The following PYGO1 variants were observed in gnomAD, a reference collection of about 807,000 sequenced individuals.
The protein encoded by PYGO1 is pygopus homolog 1.
A neutral mutation model predicts 29.5 loss-of-function variants in PYGO1; 6 were observed. The ratio of observed to expected loss-of-function variants is 0.20; its 90% CI spans 0.11 to 0.40. The LOEUF (loss-of-function observed/expected upper bound fraction) is 0.40. Ranked by LOEUF, PYGO1 falls within the 10% of genes least tolerant of loss-of-function variation. The probability of loss-of-function intolerance (pLI) is 1.00; values close to 1 mark genes in which losing one functional copy is unlikely to be tolerated. For missense variants in PYGO1, 515 were observed against 514.9 expected (o/e 1.00, Z 0.00); for synonymous variants, 186 against 180.5 (o/e 1.03, Z -0.24).
chr15:55,588,250 G>A lies in PYGO1; in HGVS notation c.-367C>T, dbSNP rs916520785. ...CCGCCGCCTCAGGAGCCGCTGACAGGGGAAGCAGGAGGCTCGCGGCCCGGC... is the reference window on the plus strand; with the variant it reads ...CCGCCGCCTCAGGAGCCGCTGACAGAGGAAGCAGGAGGCTCGCGGCCCGGC... On this transcript the variant is annotated 5_prime_UTR_variant, in exon 1 of 3. Coordinates refer to ENST00000563719, the MANE Select transcript of PYGO1 (RefSeq NM_001367806.1). Among the ~76,000 whole-genome samples, 4 of 149,100 alleles carry A rather than the reference G, an allele frequency of 2.7e-5. No individual in the cohort carries two copies. The highest frequency in any genetic ancestry group is 3.0e-5 in the Non-Finnish European group (2 of 67,024).
In PYGO1 at chr15:55,565,712, T is replaced by TC. The variant is rs1173168897; in HGVS notation, c.50-16718dup. 2.8e-4 allele frequency among the ~76,000 whole-genome samples: 43 copies of TC among 151,350 alleles called. No individual in the cohort carries two copies. The East Asian group carries it at 4.1e-3, about 14-fold the overall frequency. On this transcript the variant is annotated intron_variant, in intron 1 of 2. Coordinates refer to ENST00000563719, the MANE Select transcript of PYGO1 (RefSeq NM_001367806.1). ...CCTGGTGACAGAGTGAGACTCCGTC[T>TC]CCCCCAAAAAAAAACAAAAACAAAA...
rs533413396 is a variant in PYGO1 at position 55,566,219 on chromosome 15, C to G, written c.50-17224G>C. 2.0e-5 allele frequency among the ~76,000 whole-genome samples: 3 copies of G among 152,254 alleles called. No homozygotes were observed. The East Asian group carries it at 5.8e-4, about 29-fold the overall frequency. ...GAGCATAGGTTTTCAAACCCTGCCC[C>G]TAATTGCACTGCCCCTCAGTAGTCC... On this transcript the variant is annotated intron_variant, in intron 1 of 2. Transcript: ENST00000563719.
chr15:55,566,201 G>A (rs28861470), intron 1 of PYGO1, among the ~76,000 whole-genome samples: 16,228 of 152,080 alleles, frequency 0.11, 1,599 homozygotes, highest in African/African-American at 0.25. Context: ...GCTGAGCATA[G>A]GTTTTCAAAC....
chr15:55,565,819 T>TGTC, intron 1 of PYGO1, among the ~76,000 whole-genome samples: 5 of 152,274 alleles, frequency 3.3e-5, no homozygotes, highest in African/African-American at 1.2e-4. Context: ...AGTCTCACTC[T>TGTC]GCCACCAGGC....
At chr15:55,553,193 T>G (rs2058887655) in intron 1 of PYGO1, among the ~76,000 whole-genome samples, 1 of 152,056 alleles carries the variant, frequency 6.6e-6, no homozygotes, top group Non-Finnish European at 1.5e-5. Context: ...GGCCTCCCTG[T>G]GGGAATTTCC....
At chr15:55,559,569 TG>T (rs1228150563) in intron 1 of PYGO1, among the ~76,000 whole-genome samples, 1 of 152,146 alleles carries the variant, frequency 6.6e-6, no homozygotes. Flanking sequence ...AGCAAAGACT[TG>T]GAACCAACCC....
At position 55,557,105 on chromosome 15, in the gene PYGO1, TAAA is replaced by T. The variant is rs2058909513; in HGVS notation, c.50-8113_50-8111del. ...AAGAAATGAAAAGGAGGACGACTAATAAAGAAGAAAAGAGAGAAAAATCAAATA... is the reference window on the plus strand; with the variant it reads ...AAGAAATGAAAAGGAGGACGACTAATGAAGAAAAGAGAGAAAAATCAAATA... On this transcript the variant is annotated intron_variant, in intron 1 of 2. Transcript: ENST00000563719. Among the ~76,000 whole-genome samples the T allele has an allele frequency of 5.3e-5, 8 of 150,500 alleles. No individual in the cohort carries two copies. The South Asian group carries it at 1.7e-3, about 32-fold the overall frequency.
intron 1 of PYGO1, among the ~76,000 whole-genome samples, chr15:55,576,943 G>A (rs1047979793): frequency 4.6e-5 from 7 of 151,666 alleles, no homozygotes; most frequent in Admixed American, 3.9e-4. Flanking sequence ...AGGTCAAGCT[G>A]AGAACTACGT....
intron 1 of PYGO1, among the ~76,000 whole-genome samples, chr15:55,553,607 C>T (rs866548572): frequency 9.9e-5 from 15 of 152,202 alleles, no homozygotes; most frequent in East Asian, 1.9e-4. Context: ...GATGGGGTTT[C>T]GCCATGTTGG....
At chr15:55,580,968 C>A (rs2059022610) in intron 1 of PYGO1, among the ~76,000 whole-genome samples, 1 of 152,160 alleles carries the variant, frequency 6.6e-6, no homozygotes, top group South Asian at 2.1e-4. Flanking sequence ...AATTGGATTT[C>A]AGAAACATTT....
chr15:55,557,625 C>T (rs2058912336), intron 1 of PYGO1, among the ~76,000 whole-genome samples: 3 of 152,168 alleles, frequency 2.0e-5, no homozygotes, highest in Admixed American at 1.3e-4. Flanking sequence ...TCCAGCAGCA[C>T]ATCAAAAAGC....
Position 55,547,008 on chromosome 15 carries a change from C to A in PYGO1, c.275G>T (p.Gly92Val). 1 of 1,613,608 alleles carries A rather than the reference C, an allele frequency of 6.2e-7. No individual in the cohort carries two copies. Among genetic ancestry groups the A allele is most frequent in the South Asian group, 1.1e-5 (1 of 91,050 alleles). The change falls in exon 3 of 3, where the codon GGC (glycine) becomes GTC (valine). Residue 92 changes from glycine (G) to valine (V), a missense_variant. Physicochemically the swap from Gly to Val is moderately radical, Grantham distance 109. Coordinates refer to ENST00000563719, the MANE Select transcript of PYGO1 (RefSeq NM_001367806.1). ...GCCTCCAAAGCCAGGATAACCAGGGCCAAGATATGGATTTGACGAAGGTAG... is the reference window on the plus strand; with the variant it reads ...GCCTCCAAAGCCAGGATAACCAGGGACAAGATATGGATTTGACGAAGGTAG... Reference protein sequence around the residue: ...KPLPSSNPYLGPGYPGFGGYS... With the variant: ...KPLPSSNPYLVPGYPGFGGYS...
chr15:55,563,227 T>A (rs1311994340), intron 1 of PYGO1, among the ~76,000 whole-genome samples: 1 of 152,116 alleles, frequency 6.6e-6, no homozygotes, highest in Non-Finnish European at 1.5e-5. Flanking sequence ...ATCCAGAATA[T>A]ATGAATAATT....
Position 55,546,010 on chromosome 15 carries a change from T to C in PYGO1, c.*13A>G, listed in dbSNP as rs763141627. On this transcript the variant is annotated 3_prime_UTR_variant, in exon 3 of 3. Coordinates refer to ENST00000563719, the MANE Select transcript of PYGO1 (RefSeq NM_001367806.1). The stretch of plus-strand genomic sequence containing the variant: ...GCACAGGAAAATAAACCCACTTTAG[T>C]TAATGCCTTTGATTAAGCATCACTG... The C allele has an allele frequency of 1.3e-6, 2 of 1,578,184 alleles. No individual in the cohort carries two copies. The highest frequency in any genetic ancestry group is 1.7e-6 in the Non-Finnish European group (2 of 1,158,906).
Position 55,543,384 on chromosome 15 carries a change from C to T in PYGO1, c.*2639G>A, listed in dbSNP as rs1210825317. 6.6e-6 allele frequency: 1 copy of T among 152,112 alleles called. No homozygotes were observed. Among genetic ancestry groups the T allele is most frequent in the Non-Finnish European group, 1.5e-5 (1 of 68,016 alleles). The allele number at this position is 152,112 out of a possible 1,614,324, so 9.4% of individuals were successfully genotyped here. ...GAAAATTAATTCAAACACATGAACG[C>T]TATTCATCAGCTATGATTACAGTTT... On this transcript the variant is annotated 3_prime_UTR_variant, in exon 3 of 3. Coordinates refer to ENST00000563719, the MANE Select transcript of PYGO1 (RefSeq NM_001367806.1).
chr15:55,588,861 C>T, upstream of PYGO1: 2 of 1,613,542 alleles, frequency 1.2e-6, no homozygotes, highest in Middle Eastern at 3.3e-4. Flanking sequence ...ATGTGGGGAT[C>T]CAGATTCCCC....
Position 55,548,974 on chromosome 15 carries a change from C to A in PYGO1, c.71G>T (p.Gly24Val), listed in dbSNP as rs564379685. 1.9e-6 allele frequency: 3 copies of A among 1,610,158 alleles called. No individual in the cohort carries two copies. The African/African-American group carries it at 4.0e-5, about 22-fold the overall frequency. The change falls in exon 2 of 3, where the codon GGG (glycine) becomes GTG (valine). Residue 24 changes from glycine to valine, a missense_variant. Gly to Val is a moderately radical substitution (Grantham distance 109). Transcript: ENST00000563719. ...RVRGGDSGLD[G>V]LGGPGVQLGS... ...TAGTTGTACACCTGGTCCTCCTAAC[C>A]CATCCAGTCCACTATCACCACCTAA...
chr15:55,585,645 A>G (rs942853547), intron 1 of PYGO1, among the ~76,000 whole-genome samples: 44 of 152,216 alleles, frequency 2.9e-4, no homozygotes, highest in African/African-American at 1.1e-3. Flanking sequence ...AGCCAACCCC[A>G]ATAGCTACGC....
intron 1 of PYGO1, among the ~76,000 whole-genome samples, chr15:55,584,725 A>G (rs552311536): frequency 1.4e-4 from 22 of 152,198 alleles, no homozygotes; most frequent in Non-Finnish European, 2.9e-4. Flanking sequence ...GTCCTCATAG[A>G]TCTGTCTTAT....
Sources: gnomAD v4.1 joint callset for allele counts (sites outside exome capture counted in the v4.1 genomes callset) on GRCh38, gnomAD v4.1.1 for gene constraint, MANE v1.5 for transcripts, NCBI Gene and HGNC (gene_info 2026-07-23, HGNC 2026-07-21) for gene names.